Variants in SEMA4D observed in about 807,000 individuals in gnomAD.
SEMA4D encodes semaphorin 4D, also known as semaphorin-4D.
Under a neutral mutation model 74.8 loss-of-function variants are expected in SEMA4D, and 22 were observed. The observed-to-expected ratio is 0.29, with a 90% CI of 0.21 to 0.42. The LOEUF is 0.42. SEMA4D is among the 10% of genes least tolerant of loss of function. The probability of loss-of-function intolerance (pLI) is 1.00; values close to 1 mark genes in which losing one functional copy is unlikely to be tolerated. For synonymous variants in SEMA4D, 445 were observed against 463.7 expected (o/e 0.96, Z 0.52); for missense variants, 937 against 1,118.4 (o/e 0.84, Z 2.31).
chr9:89,396,696 C>T lies in SEMA4D; in HGVS notation c.414+41G>A. The stretch of plus-strand genomic sequence containing the variant: ...AGCCCCCTTCTACTTTAACTGCTGA[C>T]CAGGCTGGCGTGAGCACAGGGAGGT... On this transcript the variant is annotated intron_variant, in intron 6 of 15. Coordinates refer to ENST00000422704, the MANE Select transcript of SEMA4D (RefSeq NM_001371194.2). The T allele has an allele frequency of 2.6e-6, 4 of 1,536,326 alleles. No individual in the cohort carries two copies. The South Asian group carries it at 4.6e-5, about 18-fold the overall frequency.
chr9:89,470,714 CA>C (rs147296880), intron 1 of SEMA4D, among the ~76,000 whole-genome samples: 2,280 of 143,994 alleles, frequency 0.016, 64 homozygotes, highest in African/African-American at 0.054. Context: ...TACCGAGGGA[CA>C]AAAAAAAAAC....
Position 89,377,265 on chromosome 9 carries a change from T to A in SEMA4D, c.*1439A>T. 1 of 649,772 alleles carries A rather than the reference T, an allele frequency of 1.5e-6. No individual in the cohort carries two copies. Among genetic ancestry groups the A allele is most frequent in the Non-Finnish European group, 2.4e-6 (1 of 421,140 alleles). The allele number at this position is 649,772 out of a possible 1,614,324, so 40.3% of individuals were successfully genotyped here. A position where few individuals can be genotyped will look rare whatever the true frequency, so the allele number is the denominator to read the frequency against. Reference sequence around the variant, plus strand: ...GATAGAAGCTTCTCATTTATTTGGGTACTTTCCAAATGTATACAATTCAAA... The same window carrying A: ...GATAGAAGCTTCTCATTTATTTGGGAACTTTCCAAATGTATACAATTCAAA... On this transcript the variant is annotated 3_prime_UTR_variant, in exon 16 of 16. Transcript: ENST00000422704.
chr9:89,492,973 A>G lies in SEMA4D; in HGVS notation c.-310+4946T>C, dbSNP rs1158960438. ...CCCTTAAGCGGCTGGACCTAGAACT[A>G]TCTATCTCCCCTCTCATTAGCCTCC... On this transcript the variant is annotated intron_variant, in intron 1 of 15. Transcript: ENST00000422704. This position sits in a 1 kb window ranked among gnomAD's most constrained non-coding sequence, Gnocchi z 4.3. Among the ~76,000 whole-genome samples, 1 of 152,152 alleles carries G rather than the reference A, an allele frequency of 6.6e-6. No homozygotes were observed.
exon 19 of SEMA4D, chr9:89,362,199 G>C: frequency 1.3e-6 from 1 of 777,566 alleles, no homozygotes; most frequent in South Asian, 1.7e-5. Context: ...CTTAGTTCCT[G>C]TCACAGGCCC....
intron 2 of SEMA4D, among the ~76,000 whole-genome samples, chr9:89,455,584 C>T (rs1564851095): frequency 6.6e-6 from 1 of 152,168 alleles, no homozygotes. Context: ...AGGCTGGGTA[C>T]TGGGCTCACC....
Position 89,418,391 on chromosome 9 carries a change from G to A in SEMA4D, c.-243-12692C>T, listed in dbSNP as rs535127337. The A allele has an allele frequency of 1.2e-5, 12 of 985,404 alleles. 1 individual carries two copies. In the Admixed American group the frequency reaches 3.1e-4, roughly 25 times the overall value. The allele number at this position is 985,404 out of a possible 1,614,324, so 61.0% of individuals were successfully genotyped here. A position where few individuals can be genotyped will look rare whatever the true frequency, so the allele number is the denominator to read the frequency against. ...GTGCTAGAGATGAGCCCCAGGACCC[G>A]ACCAGGTGTACTTTCTTGCACAATA... On this transcript the variant is annotated intron_variant, in intron 2 of 15. Coordinates refer to ENST00000422704, the MANE Select transcript of SEMA4D (RefSeq NM_001371194.2).
intron 13 of SEMA4D, chr9:89,384,972 C>T: frequency 2.0e-6 from 2 of 985,446 alleles, no homozygotes; most frequent in Non-Finnish European, 2.4e-6. Flanking sequence ...AAGCCACGTC[C>T]CCACGAATGG....
At chr9:89,432,982 C>T (rs1034315642) in intron 2 of SEMA4D, among the ~76,000 whole-genome samples, 1 of 152,242 alleles carries the variant, frequency 6.6e-6, no homozygotes, top group Admixed American at 6.5e-5. Flanking sequence ...AGTGACCCCA[C>T]CTTTATAAGG....
rs561928610 is a variant in SEMA4D, at chr9:89,408,735, G to A, written c.-243-3036C>T. On this transcript the variant is annotated intron_variant, in intron 2 of 15. Transcript: ENST00000422704. ...AGGGTTCTTGTCATGCATGCAGCAA[G>A]GACACCAGTGGCCTGGTCCATGTGC... is the stretch of plus-strand genomic sequence containing the variant. 6.6e-5 allele frequency among the ~76,000 whole-genome samples: 10 copies of A among 152,348 alleles called. No individual in the cohort carries two copies. In the East Asian group the frequency reaches 1.9e-3, roughly 29 times the overall value.
At chr9:89,463,524 C>A (rs927888383) in intron 1 of SEMA4D, among the ~76,000 whole-genome samples, 2 of 152,186 alleles carry the variant, frequency 1.3e-5, no homozygotes, top group Non-Finnish European at 2.9e-5. Flanking sequence ...CATGACCAGC[C>A]CTTTTTCGCT....
At chr9:89,406,588 A>T (rs1472063616) in intron 2 of SEMA4D, among the ~76,000 whole-genome samples, 1 of 152,194 alleles carries the variant, frequency 6.6e-6, no homozygotes, top group African/African-American at 2.4e-5. Context: ...GGCGTCTAGC[A>T]CCTTGATCTG....
At chr9:89,454,302 T>G (rs1429918751) in intron 2 of SEMA4D, among the ~76,000 whole-genome samples, 1 of 152,178 alleles carries the variant, frequency 6.6e-6, no homozygotes, top group Non-Finnish European at 1.5e-5. Context: ...TTGAAACGCC[T>G]TCTAACACAG....
At chr9:89,429,010 C>G (rs889947489) in intron 2 of SEMA4D, among the ~76,000 whole-genome samples, 1 of 152,116 alleles carries the variant, frequency 6.6e-6, no homozygotes, top group East Asian at 1.9e-4. Flanking sequence ...TGGGGGGGGT[C>G]TCCCCTTCCA....
chr9:89,456,475 A>C lies in SEMA4D; in HGVS notation c.-309-522T>G, dbSNP rs115603973. Among the ~76,000 whole-genome samples, 1,351 of 152,344 alleles carry C rather than the reference A, an allele frequency of 8.9e-3. 22 individuals are homozygous for C. The highest frequency in any genetic ancestry group is 0.03 in the African/African-American group (1,258 of 41,586). ...AGCATTCAATATTCCAACACTTTTT[A>C]AGTTTTAAAATTAATTACATACTCA... is the stretch of plus-strand genomic sequence containing the variant. On this transcript the variant is annotated intron_variant, in intron 1 of 15. Coordinates refer to ENST00000422704, the MANE Select transcript of SEMA4D (RefSeq NM_001371194.2).
intron 2 of SEMA4D, among the ~76,000 whole-genome samples, chr9:89,454,032 T>C (rs1206602015): frequency 2.6e-5 from 4 of 152,236 alleles, no homozygotes; most frequent in African/African-American, 9.6e-5. Flanking sequence ...TAATTTTTTG[T>C]ATTTTTAGTA....
chr9:89,443,532 C>A (rs915026976), intron 2 of SEMA4D, among the ~76,000 whole-genome samples: 1 of 152,248 alleles, frequency 6.6e-6, no homozygotes, highest in African/African-American at 2.4e-5. Context: ...AATAGCCACC[C>A]GGGAAGCAGG....
At chr9:89,371,396 G>GTGTGTGGGGT (rs1834719658) in intron 16 of SEMA4D, among the ~76,000 whole-genome samples, 1 of 128,544 alleles carries the variant, frequency 7.8e-6, no homozygotes, top group African/African-American at 3.0e-5. Context: ...TCTGGGGTGT[G>GTGTGTGGGGT]GTGTGTGTCT....
chr9:89,402,782 T>C, intron 4 of SEMA4D, 89 bp downstream of exon 4: 1 of 1,425,662 alleles, frequency 7.0e-7, no homozygotes, highest in South Asian at 1.2e-5. Flanking sequence ...AGGCTCCAGG[T>C]AAGTCAGCCC....
Position 89,378,700 on chromosome 9 carries a change from G to A in SEMA4D, c.*4C>T, listed in dbSNP as rs73654771. 10,194 of 1,608,650 alleles carry A rather than the reference G, an allele frequency of 6.3e-3. 554 individuals are homozygous for A. In the African/African-American group the frequency reaches 0.12, roughly 18 times the overall value. On this transcript the variant is annotated 3_prime_UTR_variant, in exon 16 of 16. Transcript: ENST00000422704. ...GAGGCACCAGCGGGGATGCACAGCC[G>A]GCCTCAGTCTCCATCTGCGTCTGAG...
Sources: allele counts gnomAD v4.1 joint callset (sites outside exome capture counted in the v4.1 genomes callset), GRCh38; gene constraint gnomAD v4.1.1; non-coding constraint Gnocchi (gnomAD v3.1); transcripts MANE v1.5; gene names NCBI Gene and HGNC (gene_info 2026-07-23, HGNC 2026-07-21).